Variants in SIPA1L3 observed in about 807,000 individuals in gnomAD.
SIPA1L3 encodes signal induced proliferation associated 1 like 3.
A neutral mutation model predicts 150.1 loss-of-function variants in SIPA1L3; 59 were observed. The ratio of observed to expected loss-of-function variants is 0.39; its 90% CI spans 0.32 to 0.49. The LOEUF is 0.49. SIPA1L3 is among the 20% of genes least tolerant of loss of function. SIPA1L3 has a pLI of 0.86. For missense variants in SIPA1L3, 2,211 were observed against 2,489.5 expected, an observed-to-expected ratio of 0.89 and a Z score of 2.38; for synonymous variants, 1,070 against 1,077.6, an observed-to-expected ratio of 0.99 and a Z score of 0.14.
intron 2 of SIPA1L3, among the ~76,000 whole-genome samples, chr19:38,037,328 TC>T (rs1220802070): frequency 2.6e-5 from 4 of 152,120 alleles, no homozygotes; most frequent in South Asian, 4.2e-4. Context: ...AAGTAGACCT[TC>T]CCCCAGTGGG....
intron 2 of SIPA1L3, among the ~76,000 whole-genome samples, chr19:38,036,943 C>G (rs892036085): frequency 1.3e-5 from 2 of 152,174 alleles, no homozygotes; most frequent in African/African-American, 4.8e-5. Context: ...GCCACGTGTT[C>G]ACTTCCACCT....
chr19:38,175,187 C>T (rs976101189), intron 15 of SIPA1L3, among the ~76,000 whole-genome samples: 2 of 151,936 alleles, frequency 1.3e-5, no homozygotes, highest in Non-Finnish European at 1.5e-5. Context: ...GTTGCTACGG[C>T]GGCTAAGTGA....
intron 1 of SIPA1L3, among the ~76,000 whole-genome samples, chr19:37,977,591 C>G (rs190038807): frequency 6.6e-6 from 1 of 152,248 alleles, no homozygotes; most frequent in African/African-American, 2.4e-5. Context: ...ACGCCCCCCC[C>G]CACAGAAGTA....
intron 18 of SIPA1L3, among the ~76,000 whole-genome samples, chr19:38,195,664 C>T (rs1460898009): frequency 6.6e-6 from 1 of 152,142 alleles, no homozygotes; most frequent in Non-Finnish European, 1.5e-5. Context: ...CAGGCATAGA[C>T]TCCACAGGCC....
intron 1 of SIPA1L3, among the ~76,000 whole-genome samples, chr19:38,007,594 A>ATTT (rs1967983974): frequency 6.6e-6 from 1 of 151,596 alleles, no homozygotes; most frequent in African/African-American, 2.4e-5. Flanking sequence ...ACTCTTCATT[A>ATTT]TTTATTATTA....
chr19:38,130,815 C>G (rs753185589), intron 10 of SIPA1L3, 43 bp downstream of exon 10: 2 of 1,560,576 alleles, frequency 1.3e-6, no homozygotes, highest in Non-Finnish European at 8.7e-7. Flanking sequence ...GTGGCAGCTC[C>G]CAGATCGCTG....
At chr19:38,101,020 C>T (rs1236266809) in intron 5 of SIPA1L3, 32 bp from the exon 6 acceptor site, 1 of 1,506,640 alleles carries the variant, frequency 6.6e-7, no homozygotes, top group Non-Finnish European at 8.9e-7. Flanking sequence ...TCTGCCTGGC[C>T]TGCCTCCACA....
intron 1 of SIPA1L3, among the ~76,000 whole-genome samples, chr19:37,991,721 C>T (rs969119682): frequency 6.6e-6 from 1 of 152,182 alleles, no homozygotes; most frequent in East Asian, 1.9e-4. Context: ...AGCCCTGTGA[C>T]GGTGATCTGT....
At chr19:38,100,233 C>CT in intron 5 of SIPA1L3, 83 bp downstream of exon 5, 1 of 1,129,480 alleles carries the variant, frequency 8.9e-7, no homozygotes, top group Non-Finnish European at 1.2e-6. Context: ...ATCTTGGTCA[C>CT]TTTCTTTTTT....
At chr19:38,064,558 G>A (rs560208519) in intron 2 of SIPA1L3, among the ~76,000 whole-genome samples, 12 of 152,258 alleles carry the variant, frequency 7.9e-5, no homozygotes, top group African/African-American at 2.6e-4. Flanking sequence ...TTAGCCGGGC[G>A]TGGTGGTGTG....
At position 38,047,805 on chromosome 19, in the gene SIPA1L3, CT is replaced by C. The variant is rs1568519367; in HGVS notation, c.-311+18652del. Among the ~76,000 whole-genome samples, 1 of 152,204 alleles carries C rather than the reference CT, an allele frequency of 6.6e-6. No homozygotes were observed. The highest frequency in any genetic ancestry group is 1.5e-5 in the Non-Finnish European group (1 of 68,050). ...GGCAGTCCAGATCCTGAAGTCCGAC[CT>C]TTGATTCAGGAACAGAGCAGCTGCA... is the stretch of plus-strand genomic sequence containing the variant. On this transcript the variant is annotated intron_variant, in intron 2 of 21. Transcript: ENST00000222345. The surrounding 1 kb of genome is among the most constrained non-coding windows in gnomAD (Gnocchi z 4.7).
intron 1 of SIPA1L3, among the ~76,000 whole-genome samples, chr19:38,010,603 C>T (rs1216292579): frequency 4.6e-5 from 7 of 151,786 alleles, no homozygotes; most frequent in Admixed American, 6.6e-5. Context: ...CCCAGCAACT[C>T]GGGAGGCTGA....
At chr19:38,084,984 A>G (rs182983806) in intron 3 of SIPA1L3, among the ~76,000 whole-genome samples, 108 of 152,206 alleles carry the variant, frequency 7.1e-4, no homozygotes, top group African/African-American at 2.4e-3. Context: ...TATCCTTGTC[A>G]AACATAACAA....
intron 1 of SIPA1L3, among the ~76,000 whole-genome samples, chr19:37,935,744 G>A (rs563523847): frequency 2.0e-5 from 3 of 152,136 alleles, no homozygotes; most frequent in Non-Finnish European, 4.4e-5. Flanking sequence ...CTTATAACAC[G>A]GCAGCTGAGG....
chr19:37,937,741 C>CAAAAAAAAAAAAAAAAAAAAAAAAAATAA (rs34881450), intron 1 of SIPA1L3, among the ~76,000 whole-genome samples: 1 of 18,674 alleles, frequency 5.4e-5, no homozygotes, highest in Non-Finnish European at 9.3e-5. Context: ...AACCCTGTCT[C>CAAAAAAAAAAAAAAAAAAAAAAAAAATAA]AAAAAAAAAA....
At chr19:37,937,022 G>A (rs1297431800) in intron 1 of SIPA1L3, among the ~76,000 whole-genome samples, 2 of 152,116 alleles carry the variant, frequency 1.3e-5, no homozygotes, top group Non-Finnish European at 2.9e-5. Flanking sequence ...TAGAATGGTT[G>A]GCTAATTTTT....
At chr19:38,006,988 T>C (rs1310570673) in intron 1 of SIPA1L3, among the ~76,000 whole-genome samples, 1 of 152,178 alleles carries the variant, frequency 6.6e-6, no homozygotes, top group East Asian at 1.9e-4. Flanking sequence ...AGTAAGGCCC[T>C]GATAAGAGGG....
In SIPA1L3 at chr19:38,198,489, C is replaced by T. The variant is rs748233053; in HGVS notation, c.4941C>T (p.Gly1647=). The change falls in exon 19 of 22, where the codon GGC becomes GGT. Residue 1647 remains glycine (G), a synonymous_variant. Coordinates refer to ENST00000222345, the MANE Select transcript of SIPA1L3 (RefSeq NM_015073.3). ...GLMPLPDTAA[G]LEWSSLVNAA... is the part of the protein sequence containing the mutation. ...TGCCCCTGCCTGACACAGCTGCTGG[C>T]CTCGAGTGGTCCAGCCTGGTGAACG... 1.8e-5 allele frequency: 29 copies of T among 1,602,196 alleles called. No individual in the cohort carries two copies. In the Admixed American group the frequency reaches 4.9e-4, roughly 27 times the overall value.
chr19:38,044,247 G>A (rs1235190108), intron 2 of SIPA1L3, among the ~76,000 whole-genome samples: 2 of 152,194 alleles, frequency 1.3e-5, no homozygotes, highest in Non-Finnish European at 2.9e-5. Context: ...GGTGCTGGGT[G>A]CCCGTCAGAC....
Sources: gnomAD v4.1 joint callset for allele counts (sites outside exome capture counted in the v4.1 genomes callset) on GRCh38, gnomAD v4.1.1 for gene constraint, Gnocchi (gnomAD v3.1) non-coding constraint, MANE v1.5 for transcripts, NCBI Gene and HGNC (gene_info 2026-07-23, HGNC 2026-07-21) for gene names.